Variants in ITGB4 observed in about 807,000 individuals in gnomAD.
ITGB4 encodes integrin subunit beta 4.
A neutral mutation model predicts 207.6 loss-of-function variants in ITGB4; 159 were observed. The observed-to-expected ratio is 0.77, with a 90% confidence interval of 0.67 to 0.87. The LOEUF is 0.87. ITGB4 is among the 40% of genes least tolerant of loss of function. The pLI is 0.00. For synonymous variants in ITGB4, 1,020 were observed against 1,062.7 expected, an observed-to-expected ratio of 0.96 and a Z score of 0.78; for missense variants, 2,278 against 2,546.8, an observed-to-expected ratio of 0.89 and a Z score of 2.27.
In ITGB4 at chr17:75,731,421, G is replaced by A. The variant is rs771471352; in HGVS notation, c.1215+53G>A. The A allele has an allele frequency of 2.2e-5, 34 of 1,559,124 alleles. No homozygotes were observed. Among genetic ancestry groups the A allele is most frequent in the South Asian group, 1.4e-4 (12 of 88,440 alleles). ...GGGGATAGGCACAGCGCCCCACACCGAGTGGAATCGTTTAAAACAGCGGTC... is the reference window on the plus strand; with the variant it reads ...GGGGATAGGCACAGCGCCCCACACCAAGTGGAATCGTTTAAAACAGCGGTC... On this transcript the variant is annotated intron_variant, in intron 10 of 39. Transcript: ENST00000200181. This position sits in a 1 kb window ranked among gnomAD's most constrained non-coding sequence, Gnocchi z 6.8.
Position 75,724,717 on chromosome 17 carries a change from G to T in ITGB4, c.14G>T (p.Arg5Leu). 7 of 1,613,726 alleles carry T rather than the reference G, an allele frequency of 4.3e-6. No individual in the cohort carries two copies. Among genetic ancestry groups the T allele is most frequent in the Non-Finnish European group, 5.9e-6 (7 of 1,179,958 alleles). The change falls in exon 2 of 40, where the codon CGC (arginine) becomes CTC (leucine). Residue 5 changes from arginine (R) to leucine (L), a missense_variant. Arg to Leu is a moderately radical substitution (Grantham distance 102). Transcript: ENST00000200181. MAGP[R>L]PSPWARLLLA... ...AGGAGGAAGAGGATGGCAGGGCCAC[G>T]CCCCAGCCCATGGGCCAGGCTGCTC... is the stretch of plus-strand genomic sequence containing the variant.
chr17:75,736,809 T>C, intron 16 of ITGB4, 115 bp downstream of exon 16: 2 of 1,180,290 alleles, frequency 1.7e-6, no homozygotes, highest in Non-Finnish European at 2.4e-6. Flanking sequence ...GGTCACACAG[T>C]CCGGACAGGA....
At chr17:75,748,197 C>CAAAAAA (rs57537115) in intron 26 of ITGB4, among the ~76,000 whole-genome samples, 7 of 78,608 alleles carry the variant, frequency 8.9e-5, no homozygotes, top group Admixed American at 1.7e-4. Flanking sequence ...CGTGCCTCTA[C>CAAAAAA]AAAAAAAAAA....
chr17:75,741,916 C>T (rs2061120578), intron 23 of ITGB4, among the ~76,000 whole-genome samples: 1 of 152,190 alleles, frequency 6.6e-6, no homozygotes, highest in Admixed American at 6.5e-5. Context: ...CTCGTCAAGC[C>T]TGTGAGGTAG....
chr17:75,731,860 C>A lies in ITGB4; in HGVS notation c.1264C>A (p.His422Asn), dbSNP rs963614047. The change falls in exon 11 of 40, where the codon CAC (histidine) becomes AAC (asparagine). Residue 422 changes from histidine to asparagine, a missense_variant. By Grantham distance (68) the His-to-Asn change is moderately conservative. Transcript: ENST00000200181. This position sits in a 1 kb window ranked among gnomAD's most constrained non-coding sequence, Gnocchi z 6.8. ...LRALEHVDGT[H>N]VCQLPEDQKG... is the part of the protein sequence containing the mutation. ...GGCCCTTGAGCACGTGGATGGGACG[C>A]ACGTGTGCCAGCTGCCGGAGGACCA... The A allele has an allele frequency of 6.2e-7, 1 of 1,613,060 alleles. No individual in the cohort carries two copies. The highest frequency in any genetic ancestry group is 1.1e-5 in the South Asian group (1 of 90,876).
At chr17:75,730,027 C>T (rs569560344) in intron 7 of ITGB4, among the ~76,000 whole-genome samples, 23 of 152,362 alleles carry the variant, frequency 1.5e-4, no homozygotes, top group Admixed American at 3.9e-4. Context: ...GTGGCCCCAG[C>T]GCCTTGCGGG....
rs1261320170 is a variant in ITGB4 at position 75,750,098 on chromosome 17, C to A, written c.3317-13C>A. 2 of 1,613,386 alleles carry A rather than the reference C, an allele frequency of 1.2e-6. No individual in the cohort carries two copies. Among genetic ancestry groups the A allele is most frequent in the African/African-American group, 2.7e-5 (2 of 74,930 alleles). On this transcript the variant is annotated splice_polypyrimidine_tract_variant and intron_variant, in intron 27 of 39. Transcript: ENST00000200181. The surrounding 1 kb of genome is among the most constrained non-coding windows in gnomAD (Gnocchi z 5.5). ...GATCTGAGTGGTTGCCCGGCCCCAACCTGACCCGTTAGATGAACTGGACCG... is the reference window on the plus strand; with the variant it reads ...GATCTGAGTGGTTGCCCGGCCCCAAACTGACCCGTTAGATGAACTGGACCG...
Position 75,740,676 on chromosome 17 carries a change from C to A in ITGB4, c.2551-117C>A. ...AGGATGCTGCCCCACGGGGCATGCCCCAGCCAACCCTGAGGATCTCTGGGT... is the reference window on the plus strand; with the variant it reads ...AGGATGCTGCCCCACGGGGCATGCCACAGCCAACCCTGAGGATCTCTGGGT... On this transcript the variant is annotated intron_variant, in intron 21 of 39. Coordinates refer to ENST00000200181, the MANE Select transcript of ITGB4 (RefSeq NM_000213.5). The surrounding 1 kb of genome is among the most constrained non-coding windows in gnomAD (Gnocchi z 5.9). 2 of 1,253,568 alleles carry A rather than the reference C, an allele frequency of 1.6e-6. No homozygotes were observed. Among genetic ancestry groups the A allele is most frequent in the East Asian group, 2.3e-5 (1 of 42,712 alleles). The allele number at this position is 1,253,568 out of a possible 1,614,324, so 77.7% of individuals were successfully genotyped here. A position where few individuals can be genotyped will look rare whatever the true frequency, so the allele number is the denominator to read the frequency against.
chr17:75,724,442 G>A (rs894623217), intron 1 of ITGB4, among the ~76,000 whole-genome samples: 9 of 152,258 alleles, frequency 5.9e-5, no homozygotes, highest in Admixed American at 3.3e-4. Context: ...GGACAAACTC[G>A]CAAACCAGAG....
chr17:75,746,956 G>A (rs1313415994), intron 26 of ITGB4, among the ~76,000 whole-genome samples: 2 of 141,326 alleles, frequency 1.4e-5, no homozygotes, highest in Non-Finnish European at 3.1e-5. Context: ...AAAAAGCTTT[G>A]ATATTTGTTT....
At chr17:75,745,424 CAAACAAAA>C (rs1012482866) in intron 26 of ITGB4, among the ~76,000 whole-genome samples, 4 of 151,728 alleles carry the variant, frequency 2.6e-5, no homozygotes, top group African/African-American at 9.7e-5. Context: ...TTTTAAAAAT[CAAACAAAA>C]AAACAAAGAA....
Position 75,740,294 on chromosome 17 carries a change from G to A in ITGB4, c.2447-64G>A, listed in dbSNP as rs147009167. 3.8e-5 allele frequency: 54 copies of A among 1,436,694 alleles called. No individual in the cohort carries two copies. In the Middle Eastern group the frequency reaches 1.1e-3, roughly 30 times the overall value. 89.0% of individuals were successfully genotyped at this position (1,436,694 alleles called of 1,614,324 possible). On this transcript the variant is annotated intron_variant, in intron 20 of 39. Transcript: ENST00000200181. The surrounding 1 kb of genome is among the most constrained non-coding windows in gnomAD (Gnocchi z 5.9). ...AGCATGGTTGCTGGAGGGATGCTCT[G>A]TGGTGCCTGTCATGCAGGGGGCTGA...
rs202051397 is a variant in ITGB4 at position 75,742,322 on chromosome 17, C to T, written c.2634-19C>T. On this transcript the variant is annotated intron_variant, in intron 23 of 39. Coordinates refer to ENST00000200181, the MANE Select transcript of ITGB4 (RefSeq NM_000213.5). This position sits in a 1 kb window ranked among gnomAD's most constrained non-coding sequence, Gnocchi z 5.9. ...CAGCCTGACCCCTCCGCTGCCTGAA[C>T]CTTCCACCCTCGACCCAGGCAAGAC... 184 of 1,613,060 alleles carry T rather than the reference C, an allele frequency of 1.1e-4. No homozygotes were observed. The highest frequency in any genetic ancestry group is 1.4e-4 in the Non-Finnish European group (169 of 1,180,022).
Position 75,729,134 on chromosome 17 carries a change from G to T in ITGB4, c.567-131G>T. ...GATCGTGCATACCGCACACCAGCCT[G>T]GGTGATAAAGCGAGACTTGGTCTCA... On this transcript the variant is annotated intron_variant, in intron 6 of 39. Coordinates refer to ENST00000200181, the MANE Select transcript of ITGB4 (RefSeq NM_000213.5). This position sits in a 1 kb window ranked among gnomAD's most constrained non-coding sequence, Gnocchi z 4.4. 1.2e-6 allele frequency: 1 copy of T among 802,648 alleles called. No homozygotes were observed. Among genetic ancestry groups the T allele is most frequent in the Non-Finnish European group, 1.9e-6 (1 of 520,494 alleles). The allele number at this position is 802,648 out of a possible 1,614,324, so 49.7% of individuals were successfully genotyped here. A position where few individuals can be genotyped will look rare whatever the true frequency, so the allele number is the denominator to read the frequency against.
At chr17:75,737,210 G>A in intron 16 of ITGB4, 112 bp from the exon 17 acceptor site, 1 of 1,345,118 alleles carries the variant, frequency 7.4e-7, no homozygotes, top group Non-Finnish European at 1.0e-6. Flanking sequence ...TCCCCAGGAG[G>A]CCCTGCCGTG....
At chr17:75,755,296 C>A in intron 34 of ITGB4, 1 of 1,408,536 alleles carries the variant, frequency 7.1e-7, no homozygotes, top group Non-Finnish European at 9.7e-7. Context: ...CCAGCTGTGC[C>A]CACTGCTTCC....
chr17:75,733,438 GC>G, intron 12 of ITGB4, 51 bp from the exon 13 acceptor site: 1 of 1,442,046 alleles, frequency 6.9e-7, no homozygotes, highest in Non-Finnish European at 9.7e-7. Flanking sequence ...GACAGCAAAA[GC>G]CCCAGCTTTC....
At chr17:75,749,726 T>C (rs1213495975) in intron 27 of ITGB4, among the ~76,000 whole-genome samples, 3 of 152,164 alleles carry the variant, frequency 2.0e-5, no homozygotes, top group Admixed American at 1.3e-4. Flanking sequence ...GGCCAGTTAG[T>C]TCCTATCAGC....
Position 75,756,509 on chromosome 17 carries a change from G to C in ITGB4, c.4789G>C (p.Val1597Leu), listed in dbSNP as rs555823505. The C allele has an allele frequency of 1.2e-6, 2 of 1,613,294 alleles. No individual in the cohort carries two copies. The highest frequency in any genetic ancestry group is 1.7e-6 in the Non-Finnish European group (2 of 1,180,006). Reference protein sequence around the residue: ...VEDLLPNHSYVFRVRAQSQEG... With the variant: ...VEDLLPNHSYLFRVRAQSQEG... ...AGACCTCCTGCCCAACCACTCCTAC[G>C]TGTTCCGCGTGCGGGCCCAGAGCCA... The change falls in exon 36 of 40, where the codon GTG (valine) becomes CTG (leucine). Residue 1597 changes from valine to leucine, a missense_variant. Coordinates refer to ENST00000200181, the MANE Select transcript of ITGB4 (RefSeq NM_000213.5).
Sources: allele counts gnomAD v4.1 joint callset (sites outside exome capture counted in the v4.1 genomes callset), GRCh38; gene constraint gnomAD v4.1.1; non-coding constraint Gnocchi (gnomAD v3.1); transcripts MANE v1.5; gene names NCBI Gene and HGNC (gene_info 2026-07-23, HGNC 2026-07-21).